AHRR: variants seen among roughly 807,000 people sequenced by gnomAD.
AHRR encodes ahR repressor.
Under a neutral mutation model 44.0 loss-of-function variants are expected in AHRR, and 28 were observed. The ratio of observed to expected loss-of-function variants is 0.64; its 90% CI spans 0.47 to 0.87. The LOEUF (loss-of-function observed/expected upper bound fraction) is 0.87, where lower values mean the gene tolerates loss of function less well. Among genes scored for constraint, AHRR ranks in the 40% least tolerant of loss-of-function variants. The pLI, the probability that AHRR is intolerant of heterozygous loss-of-function variation, is 0.00. For synonymous variants in AHRR, 434 were observed against 407.0 expected, an observed-to-expected ratio of 1.07 and a Z score of -0.80; for missense variants, 990 against 953.9, an observed-to-expected ratio of 1.04 and a Z score of -0.50.
chr5:389,420 C>T (rs1296078187), intron 4 of AHRR, among the ~76,000 whole-genome samples: 1 of 152,232 alleles, frequency 6.6e-6, no homozygotes, highest in Non-Finnish European at 1.5e-5. Flanking sequence ...GAATCAACGA[C>T]ACCAACATCA....
At chr5:421,989 GTTAA>G (rs1284596661) in intron 5 of AHRR, among the ~76,000 whole-genome samples, 1 of 152,240 alleles carries the variant, frequency 6.6e-6, no homozygotes, top group Non-Finnish European at 1.5e-5. Flanking sequence ...CCCTGGCACG[GTTAA>G]TTATTCGGGG....
In AHRR at chr5:347,707, C is replaced by T. The variant is rs951262713; in HGVS notation, c.62+3743C>T. ...AAGCATGGGCATCTGTGAAGGCTGC[C>T]GTGTCTTTCTCCATGGAGGGGCTGC... On this transcript the variant is annotated intron_variant, in intron 2 of 10. Transcript: ENST00000684583. Among the ~76,000 whole-genome samples the T allele has an allele frequency of 8.5e-5, 13 of 152,286 alleles. 4 individuals carry two copies. The highest frequency in any genetic ancestry group is 7.2e-4 in the Admixed American group (11 of 15,296).
At chr5:369,563 C>T (rs994863144) in intron 3 of AHRR, among the ~76,000 whole-genome samples, 1 of 152,250 alleles carries the variant, frequency 6.6e-6, no homozygotes, top group African/African-American at 2.4e-5. Flanking sequence ...TTGCTTCGCT[C>T]TGAGTCTTTG....
chr5:434,602 C>T lies in AHRR; in HGVS notation c.1862C>T (p.Pro621Leu), dbSNP rs1166249627. 6.4e-7 allele frequency: 1 copy of T among 1,567,442 alleles called. No homozygotes were observed. The highest frequency in any genetic ancestry group is 8.6e-7 in the Non-Finnish European group (1 of 1,156,488). ...CCTGCACACTGTGCCTGCCTGGAGC[C>T]CACAGACGGCCTTCCCCAGTCGGAG... The part of the protein sequence containing the change: ...FHPAHCACLE[P>L]TDGLPQSEPP... Residue 621 changes from proline to leucine, a missense_variant, in exon 11 of 11, where the codon CCC (proline) becomes CTC (leucine). Physicochemically the swap from Pro to Leu is moderately conservative, Grantham distance 98. Transcript: ENST00000684583.
rs372048543 is a variant in AHRR at position 436,256 on chromosome 5, G to GAGGGACCCACCACCCCT, written c.*1439_*1455dup. The GAGGGACCCACCACCCCT allele has an allele frequency of 1.3e-5, 1 of 74,498 alleles. No homozygotes were observed. The highest frequency in any genetic ancestry group is 4.4e-5 in the African/African-American group (1 of 22,596). The allele number at this position is 74,498 out of a possible 1,614,324, so 4.6% of individuals were successfully genotyped here. ...CCCTCTCTGTTGTTGGCCCGCGGGTGAGGGACCCACCACCCCTAGGGACCC... is the reference window on the plus strand; with the variant it reads ...CCCTCTCTGTTGTTGGCCCGCGGGTGAGGGACCCACCACCCCTAGGGACCCACCACCCCTAGGGACCC... On this transcript the variant is annotated 3_prime_UTR_variant, in exon 11 of 11. Coordinates refer to ENST00000684583, the MANE Select transcript of AHRR (RefSeq NM_001377236.1).
At position 338,302 on chromosome 5, in the gene AHRR, G is replaced by A. The variant is rs1742214527; in HGVS notation, c.-10-5591G>A. On this transcript the variant is annotated intron_variant, in intron 1 of 10. Coordinates refer to ENST00000684583, the MANE Select transcript of AHRR (RefSeq NM_001377236.1). This position sits in a 1 kb window ranked among gnomAD's most constrained non-coding sequence, Gnocchi z 4.1. ...CTACAATCTGGTATCATTTTCCTTT[G>A]GCCTGTAATGTTTCTTATAGTGTGG... Among the ~76,000 whole-genome samples the A allele has an allele frequency of 6.6e-6, 1 of 151,942 alleles. No homozygotes were observed. The highest frequency in any genetic ancestry group is 2.4e-5 in the African/African-American group (1 of 41,354).
At position 433,840 on chromosome 5, in the gene AHRR, C is replaced by G. The variant is rs372972606; in HGVS notation, c.1113-13C>G. ...TCAGCTGCTGTCAAATGGGCCCCGT[C>G]TTTTCTCTGCAGGGACAGGGAGGAG... On this transcript the variant is annotated splice_polypyrimidine_tract_variant and intron_variant, in intron 10 of 10. Coordinates refer to ENST00000684583, the MANE Select transcript of AHRR (RefSeq NM_001377236.1). The G allele has an allele frequency of 1.2e-5, 18 of 1,483,430 alleles. No homozygotes were observed. The South Asian group carries it at 2.1e-4, about 18-fold the overall frequency. 91.9% of individuals were successfully genotyped at this position (1,483,430 alleles called of 1,614,324 possible).
At position 422,798 on chromosome 5, in the gene AHRR, C is replaced by A. The variant is rs1325773861; in HGVS notation, c.511C>A (p.Leu171Ile). Reference protein sequence around the residue: ...VDDRQDFCRQLHWAMDPPQVV... With the variant: ...VDDRQDFCRQIHWAMDPPQVV... ...CGACCGCCAGGACTTCTGCCGGCAG[C>A]TCCACTGGGCCATGGACCCTCCCCA... Residue 171 changes from leucine to isoleucine, a missense_variant, in exon 6 of 11, where the codon CTC (leucine) becomes ATC (isoleucine). By Grantham distance (5) the Leu-to-Ile change is conservative. Transcript: ENST00000684583. 7 of 1,614,130 alleles carry A rather than the reference C, an allele frequency of 4.3e-6. No individual in the cohort carries two copies. Among genetic ancestry groups the A allele is most frequent in the Non-Finnish European group, 5.9e-6 (7 of 1,180,028 alleles).
chr5:405,945 C>T lies in AHRR; in HGVS notation c.352-7399C>T, dbSNP rs988943930. Among the ~76,000 whole-genome samples the T allele has an allele frequency of 2.0e-5, 3 of 152,204 alleles. No individual in the cohort carries two copies. Among genetic ancestry groups the T allele is most frequent in the African/African-American group, 7.2e-5 (3 of 41,454 alleles). The stretch of plus-strand genomic sequence containing the variant: ...TGGTGTGGCAGCGTCCAGGGAAGAA[C>T]ACGCAGCCTCTGGTTTGAACTGGAC... On this transcript the variant is annotated intron_variant, in intron 4 of 10. Coordinates refer to ENST00000684583, the MANE Select transcript of AHRR (RefSeq NM_001377236.1). The surrounding 1 kb of genome is among the most constrained non-coding windows in gnomAD (Gnocchi z 4.5).
At chr5:415,730 G>GCCGAAC (rs1560916547) in intron 5 of AHRR, among the ~76,000 whole-genome samples, 1 of 152,106 alleles carries the variant, frequency 6.6e-6, no homozygotes, top group Admixed American at 6.5e-5. Flanking sequence ...AGGCCTAGGG[G>GCCGAAC]CTGTGCAGAG....
intron 5 of AHRR, among the ~76,000 whole-genome samples, chr5:417,993 T>C (rs1368893897): frequency 2.0e-5 from 3 of 152,236 alleles, no homozygotes; most frequent in Non-Finnish European, 4.4e-5. Context: ...TTAGTTGCCA[T>C]TGACATTTGT....
chr5:336,254 G>A (rs1383930033), intron 1 of AHRR, among the ~76,000 whole-genome samples: 1 of 152,136 alleles, frequency 6.6e-6, no homozygotes, highest in Non-Finnish European at 1.5e-5. Flanking sequence ...CTCATACTGG[G>A]GAGTCACTCC....
chr5:366,647 T>C (rs1426774081), intron 3 of AHRR, among the ~76,000 whole-genome samples: 1 of 152,168 alleles, frequency 6.6e-6, no homozygotes, highest in African/African-American at 2.4e-5. Context: ...ATCTATTAAT[T>C]ATGAAGCCGA....
chr5:429,223 A>G (rs1736606151), intron 8 of AHRR, among the ~76,000 whole-genome samples: 1 of 151,592 alleles, frequency 6.6e-6, no homozygotes, highest in Admixed American at 6.6e-5. Context: ...CAGAGATCCA[A>G]CTTCCTCTCA....
Position 404,077 on chromosome 5 carries a change from GA to G in AHRR, c.352-9262del. The G allele has an allele frequency of 1.5e-6, 1 of 658,158 alleles. No homozygotes were observed. Among genetic ancestry groups the G allele is most frequent in the South Asian group, 1.5e-5 (1 of 66,632 alleles). 40.8% of individuals were successfully genotyped at this position (658,158 alleles called of 1,614,324 possible). ...CAAATCATGTTGTCCAGCGTTTGAA[GA>G]AAAAGTCAGTTCCGTTGTCAGGGTT... On this transcript the variant is annotated intron_variant, in intron 4 of 10. Transcript: ENST00000684583. This position sits in a 1 kb window ranked among gnomAD's most constrained non-coding sequence, Gnocchi z 4.1.
At chr5:427,530 GCA>G (rs962604523) in intron 7 of AHRR, 53 of 1,350,858 alleles carry the variant, frequency 3.9e-5, no homozygotes, top group South Asian at 3.7e-4. Context: ...ACATGAACAG[GCA>G]CACACGCGGG....
intron 4 of AHRR, among the ~76,000 whole-genome samples, chr5:409,986 ATCTCCAGCTG>A (rs1335473444): frequency 6.6e-6 from 1 of 151,834 alleles, no homozygotes; most frequent in Non-Finnish European, 1.5e-5. Flanking sequence ...TTCCATACAA[ATCTCCAGCTG>A]TCCCAGCCAC....
rs1391639905 is a variant in AHRR, at chr5:388,894, C to T, written c.351+12178C>T. Among the ~76,000 whole-genome samples the T allele has an allele frequency of 1.3e-5, 2 of 152,158 alleles. No individual in the cohort carries two copies. Among genetic ancestry groups the T allele is most frequent in the African/African-American group, 4.8e-5 (2 of 41,450 alleles). On this transcript the variant is annotated intron_variant, in intron 4 of 10. Coordinates refer to ENST00000684583, the MANE Select transcript of AHRR (RefSeq NM_001377236.1). This position sits in a 1 kb window ranked among gnomAD's most constrained non-coding sequence, Gnocchi z 5.2. ...ATGCTCATGACAAAAGCAGCAGGTG[C>T]GGAGGGTTTCCGCCGGTGCCTCGCA...
intron 5 of AHRR, chr5:421,265 T>A: frequency 1.4e-6 from 1 of 698,194 alleles, no homozygotes; most frequent in Admixed American, 2.0e-5. Context: ...GCGGATGCCG[T>A]GTGCAGGCAC....
Sources: allele counts gnomAD v4.1 joint callset (sites outside exome capture counted in the v4.1 genomes callset), GRCh38; gene constraint gnomAD v4.1.1; non-coding constraint Gnocchi (gnomAD v3.1); transcripts MANE v1.5; gene names NCBI Gene and HGNC (gene_info 2026-07-23, HGNC 2026-07-21).